NAV3: variants seen among roughly 807,000 people sequenced by gnomAD.
The protein encoded by NAV3 is pore membrane and/or filament interacting like protein 1.
A neutral mutation model predicts 244.7 loss-of-function variants in NAV3; 87 were observed. The observed-to-expected ratio is 0.36, with a 90% confidence interval of 0.30 to 0.42. The LOEUF (loss-of-function observed/expected upper bound fraction) is 0.42, where lower values mean the gene tolerates loss of function less well. Ranked by LOEUF, NAV3 falls within the 20% of genes least tolerant of loss-of-function variation. The pLI is 1.00. For missense variants in NAV3, 2,663 were observed against 2,893.3 expected (o/e 0.92, Z 1.83); for synonymous variants, 1,126 against 1,042.2 (o/e 1.08, Z -1.55).
At chr12:77,717,195 A>G (rs1876400297) in intron 2 of NAV3, among the ~76,000 whole-genome samples, 2 of 152,032 alleles carry the variant, frequency 1.3e-5, no homozygotes, top group South Asian at 2.1e-4. Flanking sequence ...TATTAACTAT[A>G]TGCATATTAT....
chr12:78,065,349 A>G (rs1328137863), intron 12 of NAV3, among the ~76,000 whole-genome samples: 1 of 152,176 alleles, frequency 6.6e-6, no homozygotes, highest in East Asian at 1.9e-4. Flanking sequence ...CGATTATGAC[A>G]GTAATGAATT....
rs185070440 is a variant in NAV3, at chr12:77,822,134, G to T, written c.73-118185G>T. Among the ~76,000 whole-genome samples, 10 of 152,212 alleles carry T rather than the reference G, an allele frequency of 6.6e-5. No homozygotes were observed. In the East Asian group the frequency reaches 1.9e-3, roughly 29 times the overall value. On this transcript the variant is annotated intron_variant, in intron 2 of 8. Coordinates refer to the NAV3 transcript ENST00000550042. ...ATACTTTATGGTTAAGAGACCCTCT[G>T]AATTTGATAAATTTTATTTGCTCAA...
chr12:77,859,777 A>AAAAAAAAAC (rs1878971059), intron 1 of NAV3, among the ~76,000 whole-genome samples: 1 of 150,776 alleles, frequency 6.6e-6, no homozygotes, highest in Non-Finnish European at 1.5e-5. Flanking sequence ...AAAAAAAAAA[A>AAAAAAAAAC]AAAGACTAAA....
At chr12:77,752,306 T>C (rs1412822757) in intron 2 of NAV3, among the ~76,000 whole-genome samples, 1 of 152,152 alleles carries the variant, frequency 6.6e-6, no homozygotes, top group African/African-American at 2.4e-5. Context: ...GGAAACTATT[T>C]GTTTGACATT....
chr12:78,137,336 C>A lies in NAV3; in HGVS notation c.4601C>A (p.Ser1534Ter). 6.2e-7 allele frequency: 1 copy of A among 1,612,550 alleles called. No homozygotes were observed. Among genetic ancestry groups the A allele is most frequent in the Non-Finnish European group, 8.5e-7 (1 of 1,179,510 alleles). ...LEERPRAISH[S>*]GSFRDSMEEV... ...GAAAGACCTCGTGCCATCAGTCATTCGGGCTCATTCAGAGACAGCATGGAA... is the reference window on the plus strand; with the variant it reads ...GAAAGACCTCGTGCCATCAGTCATTAGGGCTCATTCAGAGACAGCATGGAA... Residue 1534 changes from serine to a stop codon, truncating the protein, a stop_gained, in exon 19 of 40, where the codon TCG (serine) becomes TAG (stop). Coordinates refer to ENST00000397909, the MANE Select transcript of NAV3 (RefSeq NM_001024383.2). LOFTEE classifies it high-confidence loss of function.
intron 1 of NAV3, among the ~76,000 whole-genome samples, chr12:77,864,313 A>G (rs2136368726): frequency 6.6e-6 from 1 of 152,098 alleles, no homozygotes. Flanking sequence ...TAACTATGAT[A>G]GTAAAATTTG....
intron 2 of NAV3, among the ~76,000 whole-genome samples, chr12:77,653,062 A>G (rs576256147): frequency 3.9e-5 from 6 of 152,354 alleles, no homozygotes; most frequent in Non-Finnish European, 8.8e-5. Flanking sequence ...GATAAAACAG[A>G]TTTCTTTACT....
chr12:77,954,471 A>G (rs1731757), intron 3 of NAV3, among the ~76,000 whole-genome samples: 14,799 of 152,244 alleles, frequency 0.097, 865 homozygotes, highest in East Asian at 0.2. Context: ...TAATTGTGTA[A>G]GCTTATATAA....
chr12:77,586,167 A>T (rs962284560), intron 2 of NAV3, among the ~76,000 whole-genome samples: 4 of 126,882 alleles, frequency 3.2e-5, no homozygotes, highest in Admixed American at 1.5e-4. Context: ...ATCTCAAAAA[A>T]AGAAAAAAAA....
At chr12:77,995,066 C>T (rs1342370264) in intron 6 of NAV3, among the ~76,000 whole-genome samples, 195 bp downstream of exon 6, 1 of 151,856 alleles carries the variant, frequency 6.6e-6, no homozygotes, top group Non-Finnish European at 1.5e-5. Context: ...TGGGTTTTGG[C>T]ATCTTTTTTA....
intron 2 of NAV3, among the ~76,000 whole-genome samples, chr12:77,694,271 C>A (rs1372509259): frequency 2.0e-5 from 3 of 151,462 alleles, no homozygotes; most frequent in Non-Finnish European, 4.4e-5. Context: ...TGGAGACCAT[C>A]CTGGCTAACA....
chr12:77,961,448 T>C (rs1285270464), intron 3 of NAV3, among the ~76,000 whole-genome samples: 2 of 114,762 alleles, frequency 1.7e-5, no homozygotes, highest in Admixed American at 2.3e-4. Context: ...CTCATACATG[T>C]AATATATGTA....
In NAV3 at chr12:77,937,214, C is replaced by T. The variant is rs538481101; in HGVS notation, c.244-3105C>T. Among the ~76,000 whole-genome samples, 10 of 152,258 alleles carry T rather than the reference C, an allele frequency of 6.6e-5. No individual in the cohort carries two copies. In the South Asian group the frequency reaches 8.3e-4, roughly 13 times the overall value. ...CTGATTGCAGCTGAAGTTAGAAATACGGCCTGAGCAAAGTTTCAGATATTA... is the reference window on the plus strand; with the variant it reads ...CTGATTGCAGCTGAAGTTAGAAATATGGCCTGAGCAAAGTTTCAGATATTA... On this transcript the variant is annotated intron_variant, in intron 1 of 39. Transcript: ENST00000397909.
rs556939248 is a variant in NAV3, at chr12:78,006,747, C to T, written c.1209C>T (p.Pro403=). ...ARTALRPPQP[P]SSGPSDGGKD... ...CTGCTTTACGCCCCCCGCAGCCTCC[C>T]AGTTCAGGACCTAGTGATGGTGGGA... Residue 403 remains proline, a synonymous_variant, in exon 8 of 40, where the codon CCC becomes CCT. Coordinates refer to ENST00000397909, the MANE Select transcript of NAV3 (RefSeq NM_001024383.2). 2.5e-5 allele frequency: 40 copies of T among 1,614,186 alleles called. No homozygotes were observed. In the South Asian group the frequency reaches 3.8e-4, roughly 16 times the overall value.
At chr12:77,938,791 T>G (rs533027194) in intron 1 of NAV3, among the ~76,000 whole-genome samples, 64 of 152,276 alleles carry the variant, frequency 4.2e-4, no homozygotes, top group African/African-American at 1.4e-3. Context: ...GGGGGATTGA[T>G]ATATATAATG....
chr12:78,173,477 A>G (rs572776273), intron 24 of NAV3, among the ~76,000 whole-genome samples: 1 of 151,816 alleles, frequency 6.6e-6, no homozygotes, highest in South Asian at 2.1e-4. Flanking sequence ...AGCAAATGCT[A>G]CTTCTTTTTC....
intron 2 of NAV3, among the ~76,000 whole-genome samples, chr12:77,788,631 A>G (rs1324046500): frequency 6.6e-6 from 1 of 151,784 alleles, no homozygotes; most frequent in Non-Finnish European, 1.5e-5. Context: ...TTCTAAAAAA[A>G]GACTTTTTCA....
intron 20 of NAV3, among the ~76,000 whole-genome samples, chr12:78,143,857 C>G (rs1956741715): frequency 6.6e-6 from 1 of 152,108 alleles, no homozygotes; most frequent in Admixed American, 6.5e-5. Context: ...GGCATGGGCT[C>G]TCAGGAAGCC....
At chr12:77,919,956 C>T (rs536735642) in intron 1 of NAV3, among the ~76,000 whole-genome samples, 1 of 152,060 alleles carries the variant, frequency 6.6e-6, no homozygotes, top group Admixed American at 6.6e-5. Context: ...TGAATTATCA[C>T]TTATATTTTA....
Sources: gnomAD v4.1 joint callset for allele counts (sites outside exome capture counted in the v4.1 genomes callset) on GRCh38, gnomAD v4.1.1 for gene constraint, MANE v1.5 for transcripts, NCBI Gene and HGNC (gene_info 2026-07-23, HGNC 2026-07-21) for gene names.